Variants in NLGN1 observed in about 807,000 individuals in gnomAD.
NLGN1 encodes the protein neuroligin-1.
Under a neutral mutation model 65.5 loss-of-function variants are expected in NLGN1, and 12 were observed. That is an observed-to-expected ratio of 0.18 (90% confidence interval 0.12 to 0.30). The LOEUF (loss-of-function observed/expected upper bound fraction) is 0.30. NLGN1 is among the 10% of genes least tolerant of loss of function. The pLI is 1.00. For synonymous variants in NLGN1, 350 were observed against 359.5 expected, an observed-to-expected ratio of 0.97 and a Z score of 0.30; for missense variants, 750 against 1,007.1, an observed-to-expected ratio of 0.74 and a Z score of 3.46.
chr3:173,421,808 A>G (rs1715106308), intron 1 of NLGN1, among the ~76,000 whole-genome samples: 1 of 152,120 alleles, frequency 6.6e-6, no homozygotes, highest in African/African-American at 2.4e-5. Flanking sequence ...GACATGAGCT[A>G]CCACACCTGG....
chr3:174,044,805 T>C (rs541852320), intron 4 of NLGN1, among the ~76,000 whole-genome samples: 1 of 152,236 alleles, frequency 6.6e-6, no homozygotes, highest in African/African-American at 2.4e-5. Flanking sequence ...TGGGAGGTAA[T>C]TGAGTGATGG....
intron 3 of NLGN1, among the ~76,000 whole-genome samples, chr3:173,654,768 G>A (rs1028352432): frequency 6.6e-6 from 1 of 152,074 alleles, no homozygotes; most frequent in African/African-American, 2.4e-5. Context: ...AGATATCTGA[G>A]AACTGCAAGA....
intron 2 of NLGN1, among the ~76,000 whole-genome samples, chr3:173,525,829 G>A (rs1735554707): frequency 6.6e-6 from 1 of 151,952 alleles, no homozygotes; most frequent in Non-Finnish European, 1.5e-5. Flanking sequence ...AATGTTTTTT[G>A]ATTTCTGTCT....
At chr3:174,211,828 T>C (rs1299213580) in intron 4 of NLGN1, among the ~76,000 whole-genome samples, 1 of 152,218 alleles carries the variant, frequency 6.6e-6, no homozygotes, top group African/African-American at 2.4e-5. Context: ...CACAGGGTGC[T>C]GATTGGTGTG....
chr3:173,905,203 C>T (rs1738145541), intron 4 of NLGN1, among the ~76,000 whole-genome samples: 1 of 152,146 alleles, frequency 6.6e-6, no homozygotes, highest in Non-Finnish European at 1.5e-5. Context: ...GGTCTAGTCC[C>T]ACAGATTCCA....
intron 4 of NLGN1, among the ~76,000 whole-genome samples, chr3:173,886,448 AT>A: frequency 6.6e-6 from 1 of 152,080 alleles, no homozygotes; most frequent in East Asian, 1.9e-4. Context: ...TACATTTTAC[AT>A]TTTTTCAGCA....
At chr3:173,907,530 G>A (rs1738664789) in intron 4 of NLGN1, among the ~76,000 whole-genome samples, 1 of 149,978 alleles carries the variant, frequency 6.7e-6, no homozygotes, top group Non-Finnish European at 1.5e-5. Context: ...GGACTATAAA[G>A]AAATGAGGAT....
At chr3:174,104,198 C>G (rs1713199971) in intron 4 of NLGN1, among the ~76,000 whole-genome samples, 1 of 152,006 alleles carries the variant, frequency 6.6e-6, no homozygotes, top group East Asian at 1.9e-4. Flanking sequence ...GTCTCTCTAT[C>G]CATGTCCTAT....
chr3:173,431,037 A>G (rs970449471), intron 1 of NLGN1, among the ~76,000 whole-genome samples: 2 of 152,210 alleles, frequency 1.3e-5, no homozygotes, highest in Non-Finnish European at 2.9e-5. Context: ...TAATTAATTG[A>G]CTAATTTATA....
At chr3:173,427,834 C>G (rs1353435027) in intron 1 of NLGN1, among the ~76,000 whole-genome samples, 1 of 148,008 alleles carries the variant, frequency 6.8e-6, no homozygotes, top group African/African-American at 2.5e-5. Flanking sequence ...TCTTTTTGGT[C>G]TGGAAACTCT....
chr3:173,858,365 A>G (rs1728397922), intron 4 of NLGN1, among the ~76,000 whole-genome samples: 1 of 152,000 alleles, frequency 6.6e-6, no homozygotes, highest in South Asian at 2.1e-4. Flanking sequence ...CTGATTTGTC[A>G]TTTTCTCTTC....
chr3:173,948,788 T>G (rs1747668908), intron 4 of NLGN1, among the ~76,000 whole-genome samples: 1 of 152,200 alleles, frequency 6.6e-6, no homozygotes, highest in Admixed American at 6.5e-5. Context: ...TCCTGATTAT[T>G]CCTAAAGTTT....
At chr3:174,224,764 A>C (rs749787284) in intron 4 of NLGN1, among the ~76,000 whole-genome samples, 1 of 152,140 alleles carries the variant, frequency 6.6e-6, no homozygotes, top group African/African-American at 2.4e-5. Context: ...TAGGAGGTGC[A>C]TCAAGCTAAC....
chr3:174,271,301 AT>A (rs10590236), intron 4 of NLGN1, among the ~76,000 whole-genome samples: 33,291 of 150,678 alleles, frequency 0.22, 3,978 homozygotes, highest in African/African-American at 0.25. Flanking sequence ...AACAGTCTGC[AT>A]TTTTTTTTTT....
At chr3:173,478,568 A>T (rs984885057) in intron 2 of NLGN1, among the ~76,000 whole-genome samples, 11 of 152,202 alleles carry the variant, frequency 7.2e-5, no homozygotes, top group African/African-American at 2.7e-4. Flanking sequence ...AAATTAAAAA[A>T]ATTTTTTACA....
chr3:174,064,745 A>G (rs1738145299), intron 4 of NLGN1, among the ~76,000 whole-genome samples: 1 of 150,842 alleles, frequency 6.6e-6, no homozygotes. Flanking sequence ...TTTTAATAAT[A>G]AAAAGGTTAG....
intron 4 of NLGN1, among the ~76,000 whole-genome samples, chr3:174,007,784 T>C (rs1002323722): frequency 6.6e-6 from 1 of 152,232 alleles, no homozygotes; most frequent in Non-Finnish European, 1.5e-5. Flanking sequence ...AGTGCATATC[T>C]GAACATGCAG....
chr3:174,089,522 A>G (rs1337632163), intron 4 of NLGN1, among the ~76,000 whole-genome samples: 1 of 152,214 alleles, frequency 6.6e-6, no homozygotes, highest in Non-Finnish European at 1.5e-5. Context: ...CTTAGCTTAA[A>G]GGAACACACA....
chr3:173,470,338 TATC>T (rs969726988), intron 2 of NLGN1, among the ~76,000 whole-genome samples: 4 of 108,086 alleles, frequency 3.7e-5, no homozygotes, highest in African/African-American at 1.5e-4. Flanking sequence ...ACTGCCATCA[TATC>T]ATCATATTTT....
Sources: gnomAD v4.1 joint callset for allele counts (sites outside exome capture counted in the v4.1 genomes callset) on GRCh38, gnomAD v4.1.1 for gene constraint, MANE v1.5 for transcripts, NCBI Gene and HGNC (gene_info 2026-07-23, HGNC 2026-07-21) for gene names.